Variants in CCDC181 observed in about 807,000 individuals in gnomAD.
CCDC181 encodes coiled-coil domain containing 181, also known as coiled-coil domain-containing protein 181.
In CCDC181, 35 loss-of-function variants were observed where a neutral mutation model predicts 58.7. The observed-to-expected ratio is 0.60, with a 90% CI of 0.46 to 0.79. The LOEUF (loss-of-function observed/expected upper bound fraction) is 0.79, where lower values mean the gene tolerates loss of function less well. Among genes scored for constraint, CCDC181 ranks in the 30% least tolerant of loss-of-function variants. CCDC181 has a pLI of 0.00. For synonymous variants in CCDC181, 183 were observed against 197.5 expected, an observed-to-expected ratio of 0.93 and a Z score of 0.62; for missense variants, 517 against 583.9, an observed-to-expected ratio of 0.89 and a Z score of 1.18.
At chr1:169,458,175 G>GTTTTTTTTTTTTTTTTT in intron 2 of CCDC181, among the ~76,000 whole-genome samples, 1 of 126,896 alleles carries the variant, frequency 7.9e-6, no homozygotes, top group Non-Finnish European at 1.6e-5. Flanking sequence ...AGTAATTTTT[G>GTTTTTTTTTTTTTTTTT]TTTTTTTTTT....
At chr1:169,402,200 G>A (rs1218181792) in intron 4 of CCDC181, among the ~76,000 whole-genome samples, 3 of 152,300 alleles carry the variant, frequency 2.0e-5, no homozygotes, top group South Asian at 2.1e-4. Flanking sequence ...TGAAAGTGAC[G>A]GGGAGAACGG....
chr1:169,433,336 A>G (rs999518120), intron 2 of CCDC181, among the ~76,000 whole-genome samples: 8 of 152,060 alleles, frequency 5.3e-5, no homozygotes, highest in African/African-American at 1.9e-4. Flanking sequence ...TTGTTAATGG[A>G]TTGGAGGACA....
intron 2 of CCDC181, among the ~76,000 whole-genome samples, chr1:169,437,149 G>A (rs959884049): frequency 6.6e-6 from 1 of 152,160 alleles, no homozygotes; most frequent in African/African-American, 2.4e-5. Context: ...TAATCATAGG[G>A]AGTCGAAGGT....
intron 4 of CCDC181, among the ~76,000 whole-genome samples, chr1:169,416,693 T>C (rs1224726681): frequency 6.6e-6 from 1 of 152,246 alleles, no homozygotes; most frequent in East Asian, 1.9e-4. Flanking sequence ...ATGTTATTAC[T>C]GATCCATAAT....
intron 2 of CCDC181, among the ~76,000 whole-genome samples, chr1:169,456,185 A>G (rs866675631): frequency 4.7e-4 from 72 of 152,078 alleles, no homozygotes; most frequent in African/African-American, 1.6e-3. Context: ...CAATTTTTGT[A>G]GGAAGTGGCT....
chr1:169,454,584 G>A (rs892731686), intron 2 of CCDC181: 1 of 151,894 alleles, frequency 6.6e-6, no homozygotes, highest in Admixed American at 6.6e-5. Context: ...CTAAATTCTG[G>A]GCAGGGAAAG....
At chr1:169,411,054 A>G (rs991908924) in intron 4 of CCDC181, among the ~76,000 whole-genome samples, 3 of 152,234 alleles carry the variant, frequency 2.0e-5, no homozygotes, top group African/African-American at 7.2e-5. Context: ...GCAGAAATGA[A>G]GGAGATAGAC....
At chr1:169,453,364 GT>G (rs1026589393) in intron 2 of CCDC181, among the ~76,000 whole-genome samples, 1 of 152,062 alleles carries the variant, frequency 6.6e-6, no homozygotes, top group African/African-American at 2.4e-5. Flanking sequence ...ACACTAAATA[GT>G]AATGTATGTG....
chr1:169,421,384 C>A lies in CCDC181; in HGVS notation c.1047G>T (p.Lys349Asn). Reference protein sequence around the residue: ...QKELQKQLEEKREKLKREEER... With the variant: ...QKELQKQLEENREKLKREEER... ...TCACCTCTCTTTTCAGTTTTTCTCT[C>A]TTTTCTTCTAGTTGTTTTTGTAGTT... is the stretch of plus-strand genomic sequence containing the variant. The change falls in exon 3 of 6, where the codon AAG (lysine) becomes AAT (asparagine). Residue 349 changes from lysine (K) to asparagine (N), a missense_variant. Coordinates refer to ENST00000367806, the MANE Select transcript of CCDC181 (RefSeq NM_001300969.2). The A allele has an allele frequency of 1.2e-6, 2 of 1,609,006 alleles. No individual in the cohort carries two copies. Among genetic ancestry groups the A allele is most frequent in the Non-Finnish European group, 1.7e-6 (2 of 1,178,512 alleles).
intron 4 of CCDC181, among the ~76,000 whole-genome samples, chr1:169,414,853 T>A (rs886094707): frequency 6.6e-6 from 1 of 152,166 alleles, no homozygotes; most frequent in Non-Finnish European, 1.5e-5. Flanking sequence ...ACTACCAAAT[T>A]GTGCTATATT....
At position 169,422,088 on chromosome 1, in the gene CCDC181, A is replaced by G. The variant is rs1279853236; in HGVS notation, c.343T>C (p.Leu115=). ...QESKLESQKD[L]EEEEDEEVRR... ...ACTTCCTCATCCTCTTCCTCCTCCA[A>G]GTCTTTCTGGCTTTCTAGTTTGGAT... The change falls in exon 3 of 6, where the codon TTG becomes CTG. Residue 115 remains leucine, a synonymous_variant. Transcript: ENST00000367806. 6.2e-7 allele frequency: 1 copy of G among 1,613,394 alleles called. No individual in the cohort carries two copies. The highest frequency in any genetic ancestry group is 1.7e-5 in the Admixed American group (1 of 59,904).
chr1:169,450,350 T>C (rs1056305207), intron 2 of CCDC181, among the ~76,000 whole-genome samples: 1 of 152,208 alleles, frequency 6.6e-6, no homozygotes, highest in Non-Finnish European at 1.5e-5. Flanking sequence ...ACTGAAACTA[T>C]GCACACTAAA....
chr1:169,415,049 AAATT>A (rs766324975), intron 4 of CCDC181, among the ~76,000 whole-genome samples: 11 of 152,362 alleles, frequency 7.2e-5, no homozygotes, highest in Non-Finnish European at 1.5e-4. Flanking sequence ...TTTTTGAAAT[AAATT>A]ATGTTCAATA....
chr1:169,439,140 C>T (rs562546103), intron 2 of CCDC181, among the ~76,000 whole-genome samples: 17 of 151,928 alleles, frequency 1.1e-4, no homozygotes, highest in African/African-American at 4.1e-4. Flanking sequence ...AGACAGACAC[C>T]CCATGGTAGA....
chr1:169,429,322 G>C (rs564621938), upstream of CCDC181, among the ~76,000 whole-genome samples: 1 of 152,320 alleles, frequency 6.6e-6, no homozygotes, highest in South Asian at 2.1e-4. Context: ...ATACACGGTA[G>C]TGGGATTGCT....
chr1:169,447,204 C>T (rs1462807806), intron 2 of CCDC181, among the ~76,000 whole-genome samples: 1 of 152,100 alleles, frequency 6.6e-6, no homozygotes, highest in Non-Finnish European at 1.5e-5. Flanking sequence ...CCTCTGCCTC[C>T]CAGGTTCAAG....
At chr1:169,422,549 T>C (rs1206938159) in intron 2 of CCDC181, among the ~76,000 whole-genome samples, 1 of 152,202 alleles carries the variant, frequency 6.6e-6, no homozygotes, top group Non-Finnish European at 1.5e-5. Flanking sequence ...AGCTAAGTGC[T>C]ACATTGATTT....
At chr1:169,455,920 ATATT>A (rs1358703789) in intron 2 of CCDC181, among the ~76,000 whole-genome samples, 4 of 152,268 alleles carry the variant, frequency 2.6e-5, no homozygotes, top group South Asian at 2.1e-4. Context: ...GGTAATAAAA[ATATT>A]TATCCAGATT....
chr1:169,432,353 C>A (rs1571504758), upstream of CCDC181, among the ~76,000 whole-genome samples: 2 of 152,126 alleles, frequency 1.3e-5, no homozygotes, highest in Non-Finnish European at 1.5e-5. Flanking sequence ...ACCTGTAGAA[C>A]ACCACCAAAT....
Sources: allele counts gnomAD v4.1 joint callset (sites outside exome capture counted in the v4.1 genomes callset), GRCh38; gene constraint gnomAD v4.1.1; transcripts MANE v1.5; gene names NCBI Gene and HGNC (gene_info 2026-07-23, HGNC 2026-07-21).